The following MTCL2 variants were observed in gnomAD, a reference collection of about 807,000 sequenced individuals.
MTCL2 encodes microtubule cross-linking factor 2.
At chr20:36,799,492 C>CAAAA in the MTCL2 span, among the ~76,000 whole-genome samples, 1 of 142,170 alleles carries the variant, frequency 7.0e-6, no homozygotes, top group East Asian at 2.0e-4. Flanking sequence ...AACTCCATCT[C>CAAAA]AAAAATAAAT....
the MTCL2 span, among the ~76,000 whole-genome samples, chr20:36,853,587 C>G: frequency 6.6e-6 from 1 of 152,102 alleles, no homozygotes; most frequent in Non-Finnish European, 1.5e-5. Flanking sequence ...ATTTCACAGA[C>G]AAGCAAACGG....
chr20:36,838,862 G>T, the MTCL2 span, among the ~76,000 whole-genome samples: 1 of 152,122 alleles, frequency 6.6e-6, no homozygotes, highest in Non-Finnish European at 1.5e-5. Context: ...CAGCTACTTG[G>T]GAGGCTGAGG....
the MTCL2 span, chr20:36,863,061 AC>A: frequency 1.4e-6 from 2 of 1,404,394 alleles, no homozygotes; most frequent in Non-Finnish European, 9.3e-7. This position sits in a 1 kb window ranked among gnomAD's most constrained non-coding sequence, Gnocchi z 6.2. Flanking sequence ...CTTGGCACGG[AC>A]CCCGGTGCGG....
At chr20:36,837,521 G>A in the MTCL2 span, among the ~76,000 whole-genome samples, 4 of 150,858 alleles carry the variant, frequency 2.7e-5, no homozygotes, top group Non-Finnish European at 4.4e-5. Flanking sequence ...TAACATTTTT[G>A]AGTCCTTATG....
At chr20:36,857,343 C>G in the MTCL2 span, among the ~76,000 whole-genome samples, 1 of 151,886 alleles carries the variant, frequency 6.6e-6, no homozygotes, top group Admixed American at 6.6e-5. Context: ...GTGATGTGTG[C>G]GTGTGATAGA....
At chr20:36,839,378 C>T in the MTCL2 span, 14 of 1,613,418 alleles carry the variant, frequency 8.7e-6, no homozygotes, top group Admixed American at 1.7e-5. This position sits in a 1 kb window ranked among gnomAD's most constrained non-coding sequence, Gnocchi z 5.1. Context: ...AGCTGATACA[C>T]GTCCTCCTCC....
chr20:36,858,704 C>T, the MTCL2 span, among the ~76,000 whole-genome samples: 2 of 152,182 alleles, frequency 1.3e-5, no homozygotes, highest in Non-Finnish European at 2.9e-5. Context: ...CTTGGGTTCA[C>T]TGCTTGCAAA....
chr20:36,810,058 C>G, the MTCL2 span: 1 of 1,599,318 alleles, frequency 6.3e-7, no homozygotes. Flanking sequence ...CTCTTGCAAG[C>G]CCCGGAGGCT....
the MTCL2 span, among the ~76,000 whole-genome samples, chr20:36,788,128 G>A: frequency 6.6e-6 from 1 of 150,682 alleles, no homozygotes; most frequent in Admixed American, 6.7e-5. Flanking sequence ...TTGAACTCAG[G>A]AGGCGGAGGT....
the MTCL2 span, chr20:36,862,590 C>A: frequency 1.4e-6 from 2 of 1,385,760 alleles, no homozygotes; most frequent in Non-Finnish European, 1.9e-6. Context: ...CCGGCTGGTG[C>A]CTCAGGCCCG....
At chr20:36,788,002 A>C in the MTCL2 span, among the ~76,000 whole-genome samples, 2 of 150,630 alleles carry the variant, frequency 1.3e-5, no homozygotes, top group Non-Finnish European at 1.5e-5. Context: ...GGAGTTCAAG[A>C]CCAGGCTGGC....
the MTCL2 span, among the ~76,000 whole-genome samples, chr20:36,803,956 CAAAAAAAAAA>C: frequency 4.6e-5 from 2 of 43,062 alleles, no homozygotes; most frequent in African/African-American, 2.0e-4. Context: ...GATGCCGTCT[CAAAAAAAAAA>C]AAAAAAAAAA....
chr20:36,793,947 C>T, the MTCL2 span: 1 of 1,551,518 alleles, frequency 6.4e-7, no homozygotes, highest in Non-Finnish European at 8.7e-7. This position sits in a 1 kb window ranked among gnomAD's most constrained non-coding sequence, Gnocchi z 6.8. Context: ...GTCTGTGTGC[C>T]CACACTGGCC....
At chr20:36,829,075 C>A in the MTCL2 span, 31 of 1,553,980 alleles carry the variant, frequency 2.0e-5, no homozygotes, top group Non-Finnish European at 2.7e-5. Context: ...GCTCCAGCTC[C>A]GTCTGCAGCA....
the MTCL2 span, among the ~76,000 whole-genome samples, chr20:36,840,070 G>T: frequency 1.6e-3 from 246 of 151,970 alleles, 1 homozygote; most frequent in African/African-American, 5.6e-3. Context: ...CACCATGTTG[G>T]CCAGGTTGGT....
the MTCL2 span, among the ~76,000 whole-genome samples, chr20:36,827,198 G>A: frequency 7.9e-5 from 12 of 151,552 alleles, no homozygotes; most frequent in Admixed American, 1.3e-4. Flanking sequence ...ACAGGTGCCC[G>A]CCACCACACC....
the MTCL2 span, chr20:36,809,919 C>T: frequency 9.7e-6 from 15 of 1,546,840 alleles, no homozygotes; most frequent in Non-Finnish European, 1.3e-5. Flanking sequence ...TCCTCAAGGC[C>T]TCTGCTTCCA....
chr20:36,860,035 G>C, the MTCL2 span, among the ~76,000 whole-genome samples: 751 of 152,248 alleles, frequency 4.9e-3, 13 homozygotes, highest in East Asian at 0.033. Flanking sequence ...TTTTGACCCT[G>C]CCTCTGTGAG....
the MTCL2 span, among the ~76,000 whole-genome samples, chr20:36,799,476 G>C: frequency 2.6e-5 from 4 of 151,710 alleles, no homozygotes; most frequent in South Asian, 8.3e-4. Context: ...TGGGCAACAA[G>C]AGTGAAACTC....
Sources: allele counts gnomAD v4.1 joint callset (sites outside exome capture counted in the v4.1 genomes callset), GRCh38; gene constraint gnomAD v4.1.1; non-coding constraint Gnocchi (gnomAD v3.1); transcripts MANE v1.5; gene names NCBI Gene and HGNC (gene_info 2026-07-23, HGNC 2026-07-21).